Variants in TTC33 observed in about 807,000 individuals in gnomAD.
TTC33 encodes the protein tetratricopeptide repeat protein 33.
TTC33 carries 24 observed loss-of-function variants against 29.4 expected under a neutral mutation model. The observed-to-expected ratio is 0.82, with a 90% CI of 0.59 to 1.15. The LOEUF is 1.15. TTC33 is among the 50% of genes most tolerant of loss of function. The pLI, the probability that TTC33 is intolerant of heterozygous loss-of-function variation, is 0.00. For missense variants in TTC33, 286 were observed against 310.4 expected (o/e 0.92, Z 0.59); for synonymous variants, 107 against 100.3 (o/e 1.07, Z -0.40).
At chr5:40,745,526 T>C (rs987890286) in intron 2 of TTC33, among the ~76,000 whole-genome samples, 8 of 151,846 alleles carry the variant, frequency 5.3e-5, no homozygotes, top group Admixed American at 5.3e-4. Context: ...ATTGTCCTAT[T>C]CTTTTGTTTT....
intron 4 of TTC33, among the ~76,000 whole-genome samples, chr5:40,726,121 A>T (rs1267189711): frequency 1.3e-5 from 2 of 150,208 alleles, no homozygotes; most frequent in Non-Finnish European, 3.0e-5. Context: ...CACTTCTTAA[A>T]ATCTCATTCT....
chr5:40,730,391 T>A (rs1343058756), intron 2 of TTC33, 48 bp from the exon 3 acceptor site: 7 of 1,528,652 alleles, frequency 4.6e-6, no homozygotes, highest in Non-Finnish European at 6.3e-6. Context: ...ATATGCTTTT[T>A]TGGACTTTCA....
At chr5:40,737,042 T>C (rs1383540912) in intron 2 of TTC33, among the ~76,000 whole-genome samples, 2 of 152,144 alleles carry the variant, frequency 1.3e-5, no homozygotes, top group African/African-American at 2.4e-5. Context: ...AGGCCTGTAA[T>C]CCCAGCACTT....
intron 1 of TTC33, among the ~76,000 whole-genome samples, chr5:40,753,933 T>C (rs1308360069): frequency 1.3e-5 from 2 of 149,840 alleles, no homozygotes; most frequent in Non-Finnish European, 1.5e-5. Flanking sequence ...AAAAAAACCG[T>C]TGATCAGATC....
intron 4 of TTC33, among the ~76,000 whole-genome samples, chr5:40,725,375 G>A (rs892886150): frequency 2.0e-5 from 3 of 151,986 alleles, no homozygotes; most frequent in Non-Finnish European, 4.4e-5. Flanking sequence ...TTACAAAAGC[G>A]AAACAATAAA....
intron 2 of TTC33, among the ~76,000 whole-genome samples, chr5:40,734,633 A>G (rs150299777): frequency 1.3e-5 from 2 of 152,344 alleles, no homozygotes; most frequent in African/African-American, 2.4e-5. Context: ...TTTACTCCCA[A>G]TTAGACTTCT....
At chr5:40,730,876 TA>T (rs2111898106) in intron 2 of TTC33, among the ~76,000 whole-genome samples, 1 of 152,294 alleles carries the variant, frequency 6.6e-6, no homozygotes, top group South Asian at 2.1e-4. Flanking sequence ...ATACTTAGTA[TA>T]ATTTAACACC....
At chr5:40,730,387 T>C in intron 2 of TTC33, 44 bp from the exon 3 acceptor site, 1 of 1,516,154 alleles carries the variant, frequency 6.6e-7, no homozygotes, top group Non-Finnish European at 9.0e-7. Flanking sequence ...TTCAATATGC[T>C]TTTTTGGACT....
intron 2 of TTC33, among the ~76,000 whole-genome samples, chr5:40,733,049 C>A (rs527475066): frequency 2.6e-5 from 4 of 152,160 alleles, no homozygotes; most frequent in African/African-American, 9.6e-5. Flanking sequence ...GTAATAAAAA[C>A]AAATTCTATC....
At chr5:40,731,604 C>T (rs1279431198) in intron 2 of TTC33, among the ~76,000 whole-genome samples, 2 of 152,172 alleles carry the variant, frequency 1.3e-5, no homozygotes, top group African/African-American at 4.8e-5. Context: ...CATAAGATCT[C>T]GTGAGAACTC....
intron 3 of TTC33, 59 bp from the exon 4 acceptor site, chr5:40,728,535 T>C (rs1742350876): frequency 2.0e-6 from 3 of 1,463,742 alleles, no homozygotes; most frequent in East Asian, 4.7e-5. Flanking sequence ...AGCAACTACA[T>C]AAAAAACCCT....
chr5:40,746,783 A>AT lies in TTC33; in HGVS notation c.221+14_221+15insA, dbSNP rs755071223. On this transcript the variant is annotated intron_variant, in intron 2 of 4. Coordinates refer to ENST00000337702, the MANE Select transcript of TTC33 (RefSeq NM_012382.3). ...GTAAGCTCTTCTCCATAAAAAAAAA[A>AT]CTTTAAATACATACCTTTTATTTTC... The AT allele has an allele frequency of 1.2e-4, 192 of 1,580,422 alleles. No homozygotes were observed. Among genetic ancestry groups the AT allele is most frequent in the Admixed American group, 3.3e-4 (18 of 53,748 alleles).
chr5:40,743,667 G>A (rs569898466), intron 2 of TTC33, among the ~76,000 whole-genome samples: 3 of 152,194 alleles, frequency 2.0e-5, no homozygotes, highest in Non-Finnish European at 2.9e-5. Flanking sequence ...CAGCTACCTG[G>A]GAGGCTGAGG....
intron 2 of TTC33, among the ~76,000 whole-genome samples, chr5:40,738,572 A>AATAAAATAAAAT (rs1554027961): frequency 0.012 from 923 of 76,274 alleles, 60 homozygotes; most frequent in African/African-American, 0.037. Flanking sequence ...TAAAATATAA[A>AATAAAATAAAAT]ATAAAATAAA....
At chr5:40,719,704 A>C (rs1057196401) in intron 4 of TTC33, among the ~76,000 whole-genome samples, 2 of 152,192 alleles carry the variant, frequency 1.3e-5, no homozygotes, top group Non-Finnish European at 2.9e-5. Flanking sequence ...ACCCTCACCA[A>C]CACTTCATAT....
intron 1 of TTC33, among the ~76,000 whole-genome samples, chr5:40,749,499 G>A (rs1486125378): frequency 2.0e-5 from 3 of 152,194 alleles, no homozygotes; most frequent in Non-Finnish European, 4.4e-5. Context: ...ACGAATCAGA[G>A]GGCTTTATGA....
chr5:40,732,398 A>C (rs572000358), intron 2 of TTC33, among the ~76,000 whole-genome samples: 2 of 151,836 alleles, frequency 1.3e-5, no homozygotes, highest in Non-Finnish European at 2.9e-5. Flanking sequence ...CAAGTCCTGC[A>C]AAAGACAGGA....
At chr5:40,729,785 G>A (rs1742380699) in intron 3 of TTC33, among the ~76,000 whole-genome samples, 1 of 152,062 alleles carries the variant, frequency 6.6e-6, no homozygotes, top group South Asian at 2.1e-4. Flanking sequence ...TGCAACCTCC[G>A]CCTCCCACGT....
rs531429572 is a variant in TTC33, at chr5:40,713,735, G to T, written c.*2410C>A. 3.5e-4 allele frequency among the ~76,000 whole-genome samples: 53 copies of T among 152,106 alleles called. No individual in the cohort carries two copies. Among genetic ancestry groups the T allele is most frequent in the African/African-American group, 1.2e-3 (49 of 41,502 alleles). On this transcript the variant is annotated 3_prime_UTR_variant, in exon 5 of 5. Transcript: ENST00000337702. ...ATGTAAATTATAGTCAATATAACTTGAACAGTAAACAGTGTTATTTCAGAA... is the reference window on the plus strand; with the variant it reads ...ATGTAAATTATAGTCAATATAACTTTAACAGTAAACAGTGTTATTTCAGAA...
Sources: gnomAD v4.1 joint callset for allele counts (sites outside exome capture counted in the v4.1 genomes callset) on GRCh38, gnomAD v4.1.1 for gene constraint, MANE v1.5 for transcripts, NCBI Gene and HGNC (gene_info 2026-07-23, HGNC 2026-07-21) for gene names.